The following SDCCAG8 variants were observed in gnomAD, a reference collection of about 807,000 sequenced individuals.
SDCCAG8 encodes the protein SHH signaling and ciliogenesis regulator SDCCAG8.
Under a neutral mutation model 101.8 loss-of-function variants are expected in SDCCAG8, and 74 were observed. The observed-to-expected ratio is 0.73, with a 90% CI of 0.60 to 0.88. The LOEUF (loss-of-function observed/expected upper bound fraction) is 0.88. SDCCAG8 is among the 40% of genes least tolerant of loss of function. SDCCAG8 has a pLI of 0.00. For missense variants in SDCCAG8, 787 were observed against 822.6 expected (o/e 0.96, Z 0.53); for synonymous variants, 281 against 292.9 (o/e 0.96, Z 0.41).
chr1:243,348,196 C>T (rs914665730), intron 12 of SDCCAG8, among the ~76,000 whole-genome samples: 8 of 132,364 alleles, frequency 6.0e-5, no homozygotes, highest in Admixed American at 5.3e-4. Flanking sequence ...CGACCACGCC[C>T]GGCTAATTTT....
At chr1:243,398,178 C>A (rs990537155) in intron 13 of SDCCAG8, among the ~76,000 whole-genome samples, 3 of 152,150 alleles carry the variant, frequency 2.0e-5, no homozygotes, top group African/African-American at 7.2e-5. Context: ...TATTGACATT[C>A]CTTTTCTCAG....
intron 6 of SDCCAG8, among the ~76,000 whole-genome samples, chr1:243,296,406 C>T (rs971541232): frequency 6.6e-6 from 1 of 152,172 alleles, no homozygotes; most frequent in African/African-American, 2.4e-5. Flanking sequence ...CCTACATCTA[C>T]ATTCTCCTTT....
intron 16 of SDCCAG8, among the ~76,000 whole-genome samples, chr1:243,450,493 A>T (rs1028535071): frequency 1.2e-4 from 19 of 152,168 alleles, no homozygotes; most frequent in African/African-American, 4.6e-4. Flanking sequence ...GACCTTGGAG[A>T]TATGGAAGAT....
intron 5 of SDCCAG8, among the ~76,000 whole-genome samples, chr1:243,287,555 G>T (rs754877104): frequency 1.6e-4 from 25 of 151,928 alleles, no homozygotes; most frequent in Non-Finnish European, 3.2e-4. Context: ...TTAATTTTCT[G>T]CAATTGCATT....
intron 16 of SDCCAG8, among the ~76,000 whole-genome samples, chr1:243,461,716 GACT>G (rs1014774111): frequency 1.3e-5 from 2 of 151,908 alleles, no homozygotes; most frequent in African/African-American, 2.4e-5. Flanking sequence ...CTTATTTCTG[GACT>G]ATTGGTGCGT....
chr1:243,303,093 GA>G (rs1244992771), intron 6 of SDCCAG8, among the ~76,000 whole-genome samples: 10 of 152,194 alleles, frequency 6.6e-5, no homozygotes, highest in Admixed American at 6.5e-4. Flanking sequence ...AGATCTTGGA[GA>G]AATTCGAGAG....
chr1:243,437,749 A>G (rs1337848351), intron 16 of SDCCAG8, among the ~76,000 whole-genome samples: 22 of 152,214 alleles, frequency 1.4e-4, no homozygotes, highest in Non-Finnish European at 1.5e-5. Flanking sequence ...CGTGTTAGCC[A>G]GGATGGTCTC....
chr1:243,435,171 A>G (rs2082052774), intron 16 of SDCCAG8, among the ~76,000 whole-genome samples: 1 of 152,238 alleles, frequency 6.6e-6, no homozygotes, highest in Admixed American at 6.5e-5. Flanking sequence ...TTTAAGACCT[A>G]AAGCCAAAAG....
intron 5 of SDCCAG8, 74 bp downstream of exon 5, chr1:243,286,471 C>T (rs913885292): frequency 9.9e-6 from 15 of 1,515,706 alleles, no homozygotes; most frequent in African/African-American, 5.5e-5. Flanking sequence ...TCGCCTTCTT[C>T]GCTGCTTAGA....
chr1:243,390,508 G>A (rs531876463), intron 13 of SDCCAG8, among the ~76,000 whole-genome samples: 42 of 152,314 alleles, frequency 2.8e-4, no homozygotes, highest in Admixed American at 5.2e-4. Flanking sequence ...GGCCCGGGGC[G>A]GGAGAGGTTC....
In SDCCAG8 at chr1:243,448,906, A is replaced by G. The variant is rs534768790; in HGVS notation, c.1985+22348A>G. Among the ~76,000 whole-genome samples, 6 of 152,310 alleles carry G rather than the reference A, an allele frequency of 3.9e-5. No individual in the cohort carries two copies. The South Asian group carries it at 1.2e-3, about 32-fold the overall frequency. On this transcript the variant is annotated intron_variant, in intron 16 of 17. Coordinates refer to ENST00000366541, the MANE Select transcript of SDCCAG8 (RefSeq NM_006642.5). ...TTTATCATCCTTTTTATCTCCTAAA[A>G]TTGTAGAAGGGTAAAAATGAGACAA...
chr1:243,368,642 T>TG (rs1315665781), intron 12 of SDCCAG8, among the ~76,000 whole-genome samples: 1 of 152,192 alleles, frequency 6.6e-6, no homozygotes, highest in East Asian at 1.9e-4. Context: ...ATTCCTGGGA[T>TG]GTCTTTCCTA....
Position 243,330,570 on chromosome 1 carries a change from G to A in SDCCAG8, c.1099G>A (p.Glu367Lys), listed in dbSNP as rs780671703. 9 of 1,613,958 alleles carry A rather than the reference G, an allele frequency of 5.6e-6. No homozygotes were observed. In the East Asian group the frequency reaches 2.0e-4, roughly 36 times the overall value. Residue 367 changes from glutamate (E) to lysine (K), a missense_variant, in exon 10 of 18, where the codon GAG becomes AAG. Physicochemically the swap from Glu to Lys is moderately conservative, Grantham distance 56. Coordinates refer to ENST00000366541, the MANE Select transcript of SDCCAG8 (RefSeq NM_006642.5). Reference sequence around the variant, plus strand: ...AATCCAGTGTGACCAGTTGAGGAAGGAGCTGGAGAGGCAGGCGGAGCGACT... The same window carrying A: ...AATCCAGTGTGACCAGTTGAGGAAGAAGCTGGAGAGGCAGGCGGAGCGACT... ...ALIQCDQLRK[E>K]LERQAERLEK...
chr1:243,454,232 GA>G (rs770925545), intron 16 of SDCCAG8, among the ~76,000 whole-genome samples: 20 of 152,046 alleles, frequency 1.3e-4, no homozygotes, highest in South Asian at 2.1e-4. Flanking sequence ...TTTAAAACAT[GA>G]AAAAGATACT....
chr1:243,297,587 C>T (rs1226578637), intron 6 of SDCCAG8, among the ~76,000 whole-genome samples: 2 of 151,950 alleles, frequency 1.3e-5, no homozygotes, highest in African/African-American at 4.8e-5. Flanking sequence ...TGAGTGATAC[C>T]TTTGCTCCAT....
At chr1:243,388,681 T>G (rs1392984617) in intron 13 of SDCCAG8, among the ~76,000 whole-genome samples, 1 of 139,958 alleles carries the variant, frequency 7.1e-6, no homozygotes, top group Non-Finnish European at 1.5e-5. Flanking sequence ...AGCAACATAA[T>G]GAGACCCCAG....
intron 12 of SDCCAG8, among the ~76,000 whole-genome samples, chr1:243,356,515 T>C (rs187560635): frequency 3.7e-4 from 56 of 152,206 alleles, no homozygotes; most frequent in Non-Finnish European, 6.8e-4. Flanking sequence ...TGGGCTTTTT[T>C]TTTCCTGTTT....
chr1:243,485,322 A>G (rs1664573294), intron 16 of SDCCAG8, among the ~76,000 whole-genome samples: 1 of 152,202 alleles, frequency 6.6e-6, no homozygotes, highest in African/African-American at 2.4e-5. Context: ...TGAATTTAAC[A>G]GGTAGTTTAT....
At chr1:243,429,842 C>G (rs1056143035) in intron 16 of SDCCAG8, among the ~76,000 whole-genome samples, 5 of 151,916 alleles carry the variant, frequency 3.3e-5, no homozygotes, top group African/African-American at 9.7e-5. Context: ...GCTGGGATTA[C>G]AGGCGCCTGC....
Sources: gnomAD v4.1 joint callset for allele counts (sites outside exome capture counted in the v4.1 genomes callset) on GRCh38, gnomAD v4.1.1 for gene constraint, MANE v1.5 for transcripts, NCBI Gene and HGNC (gene_info 2026-07-23, HGNC 2026-07-21) for gene names.